The following ARHGEF10 variants were observed in gnomAD, a reference collection of about 807,000 sequenced individuals.
The protein encoded by ARHGEF10 is Rho guanine nucleotide exchange factor 10.
A neutral mutation model predicts 147.4 loss-of-function variants in ARHGEF10; 140 were observed. The observed-to-expected ratio is 0.95, with a 90% CI of 0.83 to 1.09. The LOEUF (loss-of-function observed/expected upper bound fraction) is 1.09. ARHGEF10 is among the 50% of genes least tolerant of loss of function. The probability of loss-of-function intolerance (pLI) is 0.00; values close to 1 mark genes in which losing one functional copy is unlikely to be tolerated. For missense variants in ARHGEF10, 2,222 were observed against 1,752.7 expected (o/e 1.27, Z -4.78); for synonymous variants, 902 against 695.8 (o/e 1.30, Z -4.67).
intron 2 of ARHGEF10, among the ~76,000 whole-genome samples, chr8:1,847,650 A>C (rs937543961): frequency 6.6e-6 from 1 of 152,298 alleles, no homozygotes; most frequent in Non-Finnish European, 1.5e-5. Context: ...CTCCTTCAGC[A>C]CAAGCAGCTA....
chr8:1,864,753 C>T (rs534548247), intron 5 of ARHGEF10, among the ~76,000 whole-genome samples: 15 of 152,204 alleles, frequency 9.9e-5, no homozygotes, highest in Non-Finnish European at 2.2e-4. Flanking sequence ...GCGGCCTTTG[C>T]AGGGTAAAGC....
chr8:1,869,532 G>C, intron 7 of ARHGEF10: 1 of 560,994 alleles, frequency 1.8e-6, no homozygotes, highest in Non-Finnish European at 3.2e-6. Flanking sequence ...GAAACACAGA[G>C]GCTGAGAAGC....
chr8:1,864,330 T>C, intron 4 of ARHGEF10, 43 bp from the exon 5 acceptor site: 1 of 1,597,678 alleles, frequency 6.3e-7, no homozygotes, highest in Non-Finnish European at 8.6e-7. Context: ...ATGAGCATTT[T>C]TGTCAGGCGT....
intron 15 of ARHGEF10, 87 bp downstream of exon 15, chr8:1,898,612 A>G: frequency 7.4e-7 from 1 of 1,353,558 alleles, no homozygotes; most frequent in East Asian, 2.4e-5. Flanking sequence ...TCCACTTTGG[A>G]ATGGCTGCCC....
chr8:1,829,231 C>G (rs1172535388), intron 1 of ARHGEF10, among the ~76,000 whole-genome samples: 2 of 152,260 alleles, frequency 1.3e-5, no homozygotes, highest in Non-Finnish European at 2.9e-5. Flanking sequence ...AATGACCCTC[C>G]TGGTTCAGAA....
At chr8:1,907,095 T>A (rs1011785590) in intron 17 of ARHGEF10, among the ~76,000 whole-genome samples, 3 of 150,942 alleles carry the variant, frequency 2.0e-5, no homozygotes, top group Non-Finnish European at 4.4e-5. Flanking sequence ...CCGTGGGAGG[T>A]CGCAGCTGGA....
At chr8:1,930,907 C>T (rs1813087177) in intron 25 of ARHGEF10, among the ~76,000 whole-genome samples, 1 of 152,228 alleles carries the variant, frequency 6.6e-6, no homozygotes, top group Non-Finnish European at 1.5e-5. Flanking sequence ...GATCCCTGGC[C>T]GATCCCTGGC....
At chr8:1,889,327 C>A (rs1278010344) in intron 11 of ARHGEF10, among the ~76,000 whole-genome samples, 3 of 80,808 alleles carry the variant, frequency 3.7e-5, no homozygotes, top group African/African-American at 1.8e-4. Flanking sequence ...TCTTAGGAGA[C>A]ACTGAGTGGG....
intron 9 of ARHGEF10, 87 bp from the exon 10 acceptor site, chr8:1,882,548 T>C: frequency 9.1e-7 from 1 of 1,098,010 alleles, no homozygotes; most frequent in East Asian, 2.6e-5. Context: ...ACCAGACTAC[T>C]TGACAGTATT....
chr8:1,883,370 G>T (rs930777940), intron 10 of ARHGEF10, among the ~76,000 whole-genome samples: 4 of 152,122 alleles, frequency 2.6e-5, no homozygotes, highest in African/African-American at 9.7e-5. Flanking sequence ...GGGTGACTGA[G>T]ACTTCACTGT....
chr8:1,913,329 T>G (rs1005525418), intron 18 of ARHGEF10, among the ~76,000 whole-genome samples: 7 of 152,162 alleles, frequency 4.6e-5, no homozygotes, highest in Non-Finnish European at 1.0e-4. Context: ...TTTATTCAAC[T>G]GGTCTCAAGT....
At chr8:1,884,996 C>G (rs1808535306) in intron 10 of ARHGEF10, among the ~76,000 whole-genome samples, 1 of 152,288 alleles carries the variant, frequency 6.6e-6, no homozygotes, top group South Asian at 2.1e-4. Flanking sequence ...AGCTCCTAGG[C>G]TCAAGCGATT....
chr8:1,925,319 A>C lies in ARHGEF10; in HGVS notation c.2525A>C (p.Asp842Ala), dbSNP rs1420114510. 2.5e-6 allele frequency: 4 copies of C among 1,614,190 alleles called. No homozygotes were observed. The South Asian group carries it at 4.4e-5, about 18-fold the overall frequency. ...ENHMGWFCVE[D>A]DGNHIKKEKH... ...CACATGGGCTGGTTCTGTGTGGAAG[A>C]CGATGGGAATCACATTAAAAAGGAG... Residue 842 changes from aspartate (D) to alanine (A), a missense_variant, in exon 22 of 29, where the codon GAC becomes GCC. Physicochemically the swap from Asp to Ala is moderately radical, Grantham distance 126. Transcript: ENST00000349830.
chr8:1,957,594 A>G lies in ARHGEF10; in HGVS notation c.*331A>G. 2.6e-6 allele frequency: 1 copy of G among 378,964 alleles called. No individual in the cohort carries two copies. The highest frequency in any genetic ancestry group is 4.8e-6 in the Non-Finnish European group (1 of 207,984). The allele number at this position is 378,964 out of a possible 1,614,324, so 23.5% of individuals were successfully genotyped here. On this transcript the variant is annotated 3_prime_UTR_variant, in exon 29 of 29. Coordinates refer to ENST00000349830, the MANE Select transcript of ARHGEF10 (RefSeq NM_014629.4). ...CTAAATGTTAAACTTCATCAGCGTC[A>G]GACCTATTGTATCATATTAGAGAAT...
At chr8:1,843,617 G>C (rs950201104) in intron 2 of ARHGEF10, among the ~76,000 whole-genome samples, 181 bp downstream of exon 2, 1 of 152,202 alleles carries the variant, frequency 6.6e-6, no homozygotes, top group Admixed American at 6.5e-5. Flanking sequence ...CCTTGCCACG[G>C]GGGCATCCTG....
intron 2 of ARHGEF10, among the ~76,000 whole-genome samples, chr8:1,849,932 G>A (rs1245340350): frequency 2.3e-5 from 3 of 132,508 alleles, no homozygotes; most frequent in East Asian, 2.5e-4. Flanking sequence ...GGCGTGGGCC[G>A]GCTGCGTGGA....
At chr8:1,832,146 G>A (rs1303485064) in intron 1 of ARHGEF10, among the ~76,000 whole-genome samples, 3 of 152,186 alleles carry the variant, frequency 2.0e-5, no homozygotes. Context: ...CTGTCGAAGG[G>A]GCAGCTGCAG....
intron 1 of ARHGEF10, among the ~76,000 whole-genome samples, 191 bp downstream of exon 1, chr8:1,824,304 C>T (rs1215670850): frequency 1.3e-5 from 2 of 151,856 alleles, no homozygotes; most frequent in Non-Finnish European, 2.9e-5. Context: ...CCTTCCGCGG[C>T]GCCCCCGGCC....
At chr8:1,926,527 A>T in intron 23 of ARHGEF10, 64 bp downstream of exon 23, 1 of 1,463,826 alleles carries the variant, frequency 6.8e-7, no homozygotes, top group South Asian at 1.1e-5. Context: ...GGTCGGTGTG[A>T]TGAGAGACTG....
Sources: allele counts gnomAD v4.1 joint callset (sites outside exome capture counted in the v4.1 genomes callset), GRCh38; gene constraint gnomAD v4.1.1; transcripts MANE v1.5; gene names NCBI Gene and HGNC (gene_info 2026-07-23, HGNC 2026-07-21).